The following SPAG16 variants were observed in gnomAD, a reference collection of about 807,000 sequenced individuals.
The protein encoded by SPAG16 is sperm-associated antigen 16 protein.
Under a neutral mutation model 80.4 loss-of-function variants are expected in SPAG16, and 86 were observed. The ratio of observed to expected loss-of-function variants is 1.07; its 90% confidence interval spans 0.90 to 1.28. SPAG16 has a LOEUF of 1.28. Ranked by LOEUF, SPAG16 falls within the 50% of genes most tolerant of loss-of-function variation. SPAG16 has a pLI of 0.00. For synonymous variants in SPAG16, 294 were observed against 265.9 expected (o/e 1.11, Z -1.03); for missense variants, 870 against 765.3 (o/e 1.14, Z -1.61).
At chr2:214,262,636 T>TG (rs1691260831) in intron 15 of SPAG16, among the ~76,000 whole-genome samples, 1 of 152,048 alleles carries the variant, frequency 6.6e-6, no homozygotes, top group Admixed American at 6.6e-5. Flanking sequence ...CAAAACAATA[T>TG]TTTTTCTGTA....
At chr2:213,829,606 G>C (rs750818303) in intron 10 of SPAG16, among the ~76,000 whole-genome samples, 1 of 152,050 alleles carries the variant, frequency 6.6e-6, no homozygotes, top group African/African-American at 2.4e-5. Flanking sequence ...GAATGTGCTG[G>C]ATCACACCTG....
chr2:213,898,962 A>G (rs984221214), intron 11 of SPAG16, among the ~76,000 whole-genome samples: 10 of 152,182 alleles, frequency 6.6e-5, no homozygotes, highest in Admixed American at 5.2e-4. Context: ...AAAGGATAAG[A>G]AAGAGTATCT....
At chr2:213,903,360 G>A (rs1479819670) in intron 11 of SPAG16, among the ~76,000 whole-genome samples, 1 of 152,220 alleles carries the variant, frequency 6.6e-6, no homozygotes, top group Non-Finnish European at 1.5e-5. Flanking sequence ...TCTAGGCAGA[G>A]GTTCCCAAAC....
rs960490361 is a variant in SPAG16, at chr2:213,683,877, G to C, written c.1071-178608G>C. Among the ~76,000 whole-genome samples, 13 of 152,280 alleles carry C rather than the reference G, an allele frequency of 8.5e-5. No homozygotes were observed. In the South Asian group the frequency reaches 1.4e-3, roughly 17 times the overall value. ...CAATTTTTCTTACAATTGAACAAAT[G>C]ACTGTTAAATACTTCATTTTTCTAA... On this transcript the variant is annotated intron_variant, in intron 10 of 15. Coordinates refer to ENST00000331683, the MANE Select transcript of SPAG16 (RefSeq NM_024532.5).
intron 10 of SPAG16, among the ~76,000 whole-genome samples, chr2:213,684,794 C>T (rs2064578046): frequency 6.6e-6 from 1 of 152,172 alleles, no homozygotes; most frequent in Non-Finnish European, 1.5e-5. Context: ...GTTCCCTGAA[C>T]TCTGCAATGT....
chr2:213,707,384 C>G (rs1270607381), intron 10 of SPAG16, among the ~76,000 whole-genome samples: 1 of 152,180 alleles, frequency 6.6e-6, no homozygotes, highest in Non-Finnish European at 1.5e-5. Context: ...TTTAAATTGA[C>G]TCACTGTTAC....
intron 9 of SPAG16, among the ~76,000 whole-genome samples, chr2:213,419,012 G>A (rs2069431790): frequency 9.1e-6 from 1 of 109,728 alleles, no homozygotes; most frequent in Non-Finnish European, 2.4e-5. Context: ...GTTTCCTAAT[G>A]CTGCTATGCT....
chr2:214,079,869 T>C (rs2051281785), intron 13 of SPAG16, among the ~76,000 whole-genome samples: 1 of 152,288 alleles, frequency 6.6e-6, no homozygotes, highest in South Asian at 2.1e-4. Context: ...AAAACAAAAC[T>C]AATTTTTATT....
intron 15 of SPAG16, among the ~76,000 whole-genome samples, chr2:214,289,931 CAT>C (rs1693667873): frequency 1.3e-5 from 2 of 152,058 alleles, no homozygotes; most frequent in South Asian, 4.1e-4. Context: ...ATGCTAGCCT[CAT>C]AGAATGATTT....
intron 15 of SPAG16, among the ~76,000 whole-genome samples, chr2:214,164,387 G>A (rs1231661595): frequency 1.3e-5 from 2 of 152,120 alleles, no homozygotes; most frequent in Admixed American, 6.6e-5. Flanking sequence ...TGATACACAT[G>A]AGCAGACACC....
At chr2:213,800,342 C>G (rs1475460224) in intron 10 of SPAG16, among the ~76,000 whole-genome samples, 1 of 136,178 alleles carries the variant, frequency 7.3e-6, no homozygotes, top group Admixed American at 7.5e-5. Context: ...CTCTCTCCCT[C>G]TCTCCCTCTC....
At chr2:213,900,965 C>T (rs1348426258) in intron 11 of SPAG16, among the ~76,000 whole-genome samples, 1 of 152,098 alleles carries the variant, frequency 6.6e-6, no homozygotes, top group African/African-American at 2.4e-5. Context: ...ATTCAATCAT[C>T]TGTATATTTC....
rs139437287 is a variant in SPAG16 at position 213,350,581 on chromosome 2, A to G, written c.698A>G (p.Lys233Arg). ...CCGACTATAAGGGTGTTACATGAGA[A>G]ACACCACACTTTACTGAAGGAGAAA... Reference protein sequence around the residue: ...YEPTIRVLHEKHHTLLKEKML... With the variant: ...YEPTIRVLHERHHTLLKEKML... Residue 233 changes from lysine to arginine, a missense_variant, in exon 7 of 16, where the codon AAA (lysine) becomes AGA (arginine). Transcript: ENST00000331683. The G allele has an allele frequency of 6.2e-7, 1 of 1,602,966 alleles. No individual in the cohort carries two copies. Among genetic ancestry groups the G allele is most frequent in the South Asian group, 1.1e-5 (1 of 88,244 alleles).
rs75478665 is a variant in SPAG16, at chr2:214,101,566, C to T, written c.1528-6630C>T. 2.3e-3 allele frequency among the ~76,000 whole-genome samples: 354 copies of T among 152,210 alleles called. 1 individual carries two copies. The highest frequency in any genetic ancestry group is 8.1e-3 in the African/African-American group (338 of 41,542). On this transcript the variant is annotated intron_variant, in intron 13 of 15. Transcript: ENST00000331683. ...AGCCAGAACTCATTACATGGTCTCT[C>T]ATAAGCCCATGGAGGGTTAGGAGGT...
chr2:214,115,391 G>C (rs898206092), intron 14 of SPAG16, among the ~76,000 whole-genome samples: 8 of 152,184 alleles, frequency 5.3e-5, no homozygotes, highest in African/African-American at 1.9e-4. Context: ...TCATTACTTG[G>C]TGCCTTTAGG....
chr2:213,886,721 T>C (rs146712498), intron 11 of SPAG16, among the ~76,000 whole-genome samples: 1,992 of 151,880 alleles, frequency 0.013, 18 homozygotes, highest in Middle Eastern at 0.024. Flanking sequence ...TGAGGGCATA[T>C]GACTTATAAA....
In SPAG16 at chr2:213,585,990, G is replaced by A. The variant is rs1576083142; in HGVS notation, c.1070+95900G>A. Reference sequence around the variant, plus strand: ...TCTAATCATCTCCATAACATATGATGTATACAGTGGTGATGAATATACTGA... The same window carrying A: ...TCTAATCATCTCCATAACATATGATATATACAGTGGTGATGAATATACTGA... On this transcript the variant is annotated intron_variant, in intron 10 of 15. Coordinates refer to ENST00000331683, the MANE Select transcript of SPAG16 (RefSeq NM_024532.5). 2.6e-5 allele frequency among the ~76,000 whole-genome samples: 4 copies of A among 152,056 alleles called. No individual in the cohort carries two copies. In the South Asian group the frequency reaches 6.2e-4, roughly 24 times the overall value.
At chr2:213,306,980 T>C (rs1255130296) in intron 3 of SPAG16, among the ~76,000 whole-genome samples, 2 of 152,204 alleles carry the variant, frequency 1.3e-5, no homozygotes, top group Non-Finnish European at 2.9e-5. Flanking sequence ...TTCTTCAGTT[T>C]GGTGTTCCTG....
chr2:213,864,995 AC>A (rs1406166143), intron 11 of SPAG16, among the ~76,000 whole-genome samples: 1 of 152,226 alleles, frequency 6.6e-6, no homozygotes, highest in East Asian at 1.9e-4. Context: ...AATATATAAA[AC>A]AAAAAATCTC....
Sources: gnomAD v4.1 joint callset for allele counts (sites outside exome capture counted in the v4.1 genomes callset) on GRCh38, gnomAD v4.1.1 for gene constraint, MANE v1.5 for transcripts, NCBI Gene and HGNC (gene_info 2026-07-23, HGNC 2026-07-21) for gene names.